GALNT17: variants seen among roughly 807,000 people sequenced by gnomAD.
GALNT17 encodes UDP-GalNAc:polypeptide N-acetylgalactosaminyltransferase-like 3.
GALNT17 carries 29 observed loss-of-function variants against 63.7 expected under a neutral mutation model. The observed-to-expected ratio is 0.46, with a 90% CI of 0.34 to 0.62. GALNT17 has a LOEUF of 0.62. GALNT17 is among the 20% of genes least tolerant of loss of function. The pLI, the probability that GALNT17 is intolerant of heterozygous loss-of-function variation, is 0.01. For synonymous variants in GALNT17, 305 were observed against 318.3 expected, an observed-to-expected ratio of 0.96 and a Z score of 0.45; for missense variants, 603 against 799.6, an observed-to-expected ratio of 0.75 and a Z score of 2.97.
intron 9 of GALNT17, among the ~76,000 whole-genome samples, chr7:71,690,142 A>G (rs1791420451): frequency 6.6e-6 from 1 of 150,978 alleles, no homozygotes; most frequent in Non-Finnish European, 1.5e-5. Context: ...CTCCCGCCTC[A>G]GCCTCCCGAG....
intron 1 of GALNT17, among the ~76,000 whole-genome samples, chr7:71,317,696 A>G (rs951147401): frequency 8.5e-5 from 13 of 152,072 alleles, no homozygotes; most frequent in African/African-American, 3.1e-4. Flanking sequence ...GTTTCTGTGT[A>G]TTTGGTCATT....
intron 1 of GALNT17, among the ~76,000 whole-genome samples, chr7:71,147,735 G>T (rs1401764547): frequency 1.3e-5 from 2 of 151,758 alleles, no homozygotes; most frequent in African/African-American, 4.8e-5. Flanking sequence ...AGGTTCCATC[G>T]ATTCTCCTGC....
intron 1 of GALNT17, among the ~76,000 whole-genome samples, chr7:71,198,266 T>TATG (rs1789095640): frequency 6.8e-6 from 1 of 147,228 alleles, no homozygotes; most frequent in African/African-American, 2.5e-5. Context: ...AAATTAGAAA[T>TATG]ATGCACATAG....
intron 6 of GALNT17, among the ~76,000 whole-genome samples, chr7:71,610,857 G>C (rs1790114504): frequency 6.6e-6 from 1 of 151,998 alleles, no homozygotes; most frequent in South Asian, 2.1e-4. Flanking sequence ...ATGGTGGCAT[G>C]TACCTGTAAT....
intron 1 of GALNT17, among the ~76,000 whole-genome samples, chr7:71,184,442 T>C (rs941119874): frequency 6.6e-6 from 1 of 152,174 alleles, no homozygotes; most frequent in Non-Finnish European, 1.5e-5. Context: ...AGAAAGCTTA[T>C]CATCAGAGCC....
At chr7:71,285,338 A>G (rs371815757) in intron 1 of GALNT17, among the ~76,000 whole-genome samples, 2 of 152,154 alleles carry the variant, frequency 1.3e-5, no homozygotes, top group African/African-American at 4.8e-5. Context: ...GCTTTTTTCT[A>G]AGAGTTGTAA....
At chr7:71,256,821 C>T (rs1357374136) in intron 1 of GALNT17, among the ~76,000 whole-genome samples, 3 of 152,160 alleles carry the variant, frequency 2.0e-5, no homozygotes, top group Non-Finnish European at 4.4e-5. Context: ...TACTATTGAC[C>T]GTTCAAGTGA....
At chr7:71,700,256 C>T (rs374463565) in intron 9 of GALNT17, among the ~76,000 whole-genome samples, 6 of 151,024 alleles carry the variant, frequency 4.0e-5, no homozygotes, top group African/African-American at 1.2e-4. Context: ...TGCAGTGAGC[C>T]GAGATCACGC....
At chr7:71,662,331 T>TATCTATC (rs1378843357) in intron 6 of GALNT17, among the ~76,000 whole-genome samples, 3 of 151,330 alleles carry the variant, frequency 2.0e-5, no homozygotes, top group East Asian at 3.9e-4. Flanking sequence ...TCTATCTATC[T>TATCTATC]ATCTGTCTGT....
intron 5 of GALNT17, among the ~76,000 whole-genome samples, chr7:71,527,279 C>T (rs1788640074): frequency 1.3e-5 from 2 of 152,192 alleles, no homozygotes; most frequent in Non-Finnish European, 2.9e-5. Flanking sequence ...CCATTATATA[C>T]TGGCCATTAG....
intron 1 of GALNT17, among the ~76,000 whole-genome samples, chr7:71,232,708 G>C (rs552778230): frequency 6.6e-6 from 1 of 152,108 alleles, no homozygotes; most frequent in Non-Finnish European, 1.5e-5. Flanking sequence ...GAGTGCAGCC[G>C]CTCAGGGTCC....
intron 5 of GALNT17, among the ~76,000 whole-genome samples, chr7:71,543,826 T>C (rs1415600738): frequency 1.3e-5 from 2 of 151,050 alleles, no homozygotes; most frequent in Admixed American, 1.3e-4. Flanking sequence ...GGAGTCTTGT[T>C]CTGTTGCCCA....
chr7:71,409,615 A>G lies in GALNT17; in HGVS notation c.590-6274A>G, dbSNP rs755375478. On this transcript the variant is annotated intron_variant, in intron 3 of 10. Coordinates refer to ENST00000333538, the MANE Select transcript of GALNT17 (RefSeq NM_022479.3). Reference sequence around the variant, plus strand: ...TGGCCAAGTCCTGGACTGGGTGGCCACTTCCCAAGTACACATAAAAATCCC... The same window carrying G: ...TGGCCAAGTCCTGGACTGGGTGGCCGCTTCCCAAGTACACATAAAAATCCC... Among the ~76,000 whole-genome samples, 71 of 152,322 alleles carry G rather than the reference A, an allele frequency of 4.7e-4. 1 individual carries two copies. Among genetic ancestry groups the G allele is most frequent in the Non-Finnish European group, 2.2e-4 (15 of 68,024 alleles).
intron 3 of GALNT17, among the ~76,000 whole-genome samples, chr7:71,413,873 T>C (rs368647583): frequency 7.7e-6 from 1 of 129,888 alleles, no homozygotes; most frequent in Non-Finnish European, 1.8e-5. Flanking sequence ...CACTGTTGTT[T>C]GGAACAGTGT....
At chr7:71,479,844 A>C (rs1470795128) in intron 5 of GALNT17, among the ~76,000 whole-genome samples, 1 of 152,156 alleles carries the variant, frequency 6.6e-6, no homozygotes, top group Non-Finnish European at 1.5e-5. Context: ...TTTCTAGGAA[A>C]TCTTCCAAAG....
intron 2 of GALNT17, among the ~76,000 whole-genome samples, chr7:71,367,203 C>G (rs1397608486): frequency 2.0e-5 from 3 of 152,214 alleles, no homozygotes; most frequent in Non-Finnish European, 4.4e-5. Flanking sequence ...ATCTACTTCT[C>G]TTGCCTCTCC....
rs137868742 is a variant in GALNT17, at chr7:71,213,186, C to T, written c.238+80146C>T. 9.1e-3 allele frequency among the ~76,000 whole-genome samples: 1,388 copies of T among 152,260 alleles called. 9 individuals are homozygous for T. The highest frequency in any genetic ancestry group is 0.017 in the Middle Eastern group (5 of 294). ...GGGGGCCAGTCTTTCCTGTGCTATT[C>T]TCATGATAGTGAATATCTCACGAGA... is the stretch of plus-strand genomic sequence containing the variant. On this transcript the variant is annotated intron_variant, in intron 1 of 10. Coordinates refer to ENST00000333538, the MANE Select transcript of GALNT17 (RefSeq NM_022479.3).
intron 6 of GALNT17, among the ~76,000 whole-genome samples, chr7:71,588,912 T>C (rs1399177264): frequency 6.6e-6 from 1 of 152,006 alleles, no homozygotes; most frequent in African/African-American, 2.4e-5. Context: ...AATTACCCTA[T>C]TGATTGTCAA....
chr7:71,168,705 A>ATGTGTGTGTGTGTGTGTG (rs10536926), intron 1 of GALNT17, among the ~76,000 whole-genome samples: 1 of 149,050 alleles, frequency 6.7e-6, no homozygotes, highest in African/African-American at 2.5e-5. Context: ...AGTTACGTGT[A>ATGTGTGTGTGTGTGTGTG]TGTGTGTGTG....
Sources: gnomAD v4.1 joint callset for allele counts (sites outside exome capture counted in the v4.1 genomes callset) on GRCh38, gnomAD v4.1.1 for gene constraint, MANE v1.5 for transcripts, NCBI Gene and HGNC (gene_info 2026-07-23, HGNC 2026-07-21) for gene names.